DDR2: variants seen among roughly 807,000 people sequenced by gnomAD.
The protein encoded by DDR2 is discoidin domain-containing receptor 2.
DDR2 carries 27 observed loss-of-function variants against 94.9 expected under a neutral mutation model. That is an observed-to-expected ratio of 0.28 (90% CI 0.21 to 0.39). The LOEUF is 0.39. Ranked by LOEUF, DDR2 falls within the 10% of genes least tolerant of loss-of-function variation. The pLI is 1.00. For missense variants in DDR2, 783 were observed against 1,076.0 expected, an observed-to-expected ratio of 0.73 and a Z score of 3.81; for synonymous variants, 382 against 377.2, an observed-to-expected ratio of 1.01 and a Z score of -0.15.
rs143973369 is a variant in DDR2, at chr1:162,740,606, G to A, written c.83-12489G>A. On this transcript the variant is annotated intron_variant, in intron 3 of 17. Coordinates refer to ENST00000367921, the MANE Select transcript of DDR2 (RefSeq NM_006182.4). The stretch of plus-strand genomic sequence containing the variant: ...ATATAAAAGAATGCCTATTCCTTTT[G>A]CATACTTTTTCTTCACAGCACTTGC... Among the ~76,000 whole-genome samples, 995 of 152,180 alleles carry A rather than the reference G, an allele frequency of 6.5e-3. 6 individuals carry two copies. The highest frequency in any genetic ancestry group is 7.7e-3 in the Non-Finnish European group (521 of 68,004).
chr1:162,690,874 C>T (rs565628634), intron 2 of DDR2, among the ~76,000 whole-genome samples: 93 of 152,324 alleles, frequency 6.1e-4, no homozygotes, highest in African/African-American at 2.1e-3. Context: ...GCTCTAAAAA[C>T]GGACCTACAG....
intron 13 of DDR2, among the ~76,000 whole-genome samples, chr1:162,773,068 T>C (rs772670046): frequency 1.5e-4 from 23 of 152,352 alleles, no homozygotes; most frequent in Admixed American, 5.9e-4. Flanking sequence ...GAGTTTCTTA[T>C]AATGCTAAAC....
At chr1:162,685,573 AACCTCATTCTT>A (rs1275775066) in intron 2 of DDR2, among the ~76,000 whole-genome samples, 2 of 151,466 alleles carry the variant, frequency 1.3e-5, no homozygotes. Flanking sequence ...GGTGTTCCTG[AACCTCATTCTT>A]ACCTGCACAC....
In DDR2 at chr1:162,685,802, G is replaced by A. The variant is rs80097592; in HGVS notation, c.-28+30428G>A. Among the ~76,000 whole-genome samples, 985 of 152,156 alleles carry A rather than the reference G, an allele frequency of 6.5e-3. 13 individuals are homozygous for A. The highest frequency in any genetic ancestry group is 6.5e-3 in the Non-Finnish European group (443 of 67,994). Reference sequence around the variant, plus strand: ...ACCCTTGCAGCAATCCTATGAAGAAGGATTTATCATTATCCCCATTTTACA... The same window carrying A: ...ACCCTTGCAGCAATCCTATGAAGAAAGATTTATCATTATCCCCATTTTACA... On this transcript the variant is annotated intron_variant, in intron 2 of 17. Coordinates refer to ENST00000367921, the MANE Select transcript of DDR2 (RefSeq NM_006182.4).
chr1:162,720,695 A>G lies in DDR2; in HGVS notation c.82+1550A>G, dbSNP rs189680781. ...AGAAGTGGAACTTCATATGTGTAGC[A>G]TATGATATACTATTCTGCATAATAC... On this transcript the variant is annotated intron_variant, in intron 3 of 17. Coordinates refer to ENST00000367921, the MANE Select transcript of DDR2 (RefSeq NM_006182.4). 4.0e-3 allele frequency among the ~76,000 whole-genome samples: 612 copies of G among 152,136 alleles called. 17 individuals are homozygous for G. The highest frequency in any genetic ancestry group is 2.8e-3 in the Non-Finnish European group (192 of 68,008).
intron 1 of DDR2, among the ~76,000 whole-genome samples, chr1:162,644,225 G>T (rs1657295962): frequency 6.6e-6 from 1 of 152,236 alleles, no homozygotes; most frequent in African/African-American, 2.4e-5. Context: ...TAAAAATAAT[G>T]AAGTACATGT....
rs370275056 is a variant in DDR2 at position 162,751,856 on chromosome 1, A to T, written c.83-1239A>T. ...GTTCTTGTCCTTTGTAGGGACATGG[A>T]TAAAGATAGAAACCATCATTTGAGC... is the stretch of plus-strand genomic sequence containing the variant. On this transcript the variant is annotated intron_variant, in intron 3 of 17. Coordinates refer to ENST00000367921, the MANE Select transcript of DDR2 (RefSeq NM_006182.4). 2.6e-5 allele frequency among the ~76,000 whole-genome samples: 4 copies of T among 152,354 alleles called. No individual in the cohort carries two copies. The East Asian group carries it at 7.7e-4, about 29-fold the overall frequency.
intron 3 of DDR2, among the ~76,000 whole-genome samples, chr1:162,745,504 C>CA (rs1662808478): frequency 6.6e-6 from 1 of 151,938 alleles, no homozygotes; most frequent in Non-Finnish European, 1.5e-5. Context: ...TTTTTGGGTA[C>CA]AATGTATGAT....
At chr1:162,762,910 C>T (rs573260420) in intron 9 of DDR2, among the ~76,000 whole-genome samples, 109 of 152,284 alleles carry the variant, frequency 7.2e-4, no homozygotes, top group Non-Finnish European at 1.4e-3. Context: ...GATCTTGGCT[C>T]ACTGCAACCC....
intron 3 of DDR2, among the ~76,000 whole-genome samples, chr1:162,741,278 AT>A (rs1662601441): frequency 7.9e-6 from 1 of 127,054 alleles, no homozygotes; most frequent in African/African-American, 3.0e-5. Context: ...ATAATATAAT[AT>A]AATATAATAT....
chr1:162,633,726 T>C (rs1383683967), intron 1 of DDR2, among the ~76,000 whole-genome samples: 1 of 152,232 alleles, frequency 6.6e-6, no homozygotes, highest in African/African-American at 2.4e-5. Context: ...TTATCAGTAA[T>C]AGAGAGGACG....
intron 3 of DDR2, among the ~76,000 whole-genome samples, chr1:162,745,928 A>T (rs1026196579): frequency 6.6e-6 from 1 of 152,012 alleles, no homozygotes. Context: ...TTTTCTTACA[A>T]TGGTTTCTAT....
Position 162,739,353 on chromosome 1 carries a change from C to T in DDR2, c.83-13742C>T, listed in dbSNP as rs1480944323. On this transcript the variant is annotated intron_variant, in intron 3 of 17. Transcript: ENST00000367921. ...TTTTTGAGATGGAGTCTCTCTCTGTCGCCCAGGCTGGAGTGCAGTGGTGTG... is the reference window on the plus strand; with the variant it reads ...TTTTTGAGATGGAGTCTCTCTCTGTTGCCCAGGCTGGAGTGCAGTGGTGTG... Among the ~76,000 whole-genome samples, 9 of 152,262 alleles carry T rather than the reference C, an allele frequency of 5.9e-5. No homozygotes were observed. In the East Asian group the frequency reaches 1.2e-3, roughly 20 times the overall value.
chr1:162,772,181 T>C lies in DDR2; in HGVS notation c.1662T>C (p.Ala554=), dbSNP rs747269621. 6.2e-7 allele frequency: 1 copy of C among 1,614,138 alleles called. No individual in the cohort carries two copies. The highest frequency in any genetic ancestry group is 8.5e-7 in the Non-Finnish European group (1 of 1,180,042). Residue 554 remains alanine (A), a synonymous_variant, in exon 13 of 18, where the codon GCT becomes GCC. Transcript: ENST00000367921. ...TMDLLSGKDV[A]VEEFPRKLLT... is the part of the protein sequence containing the mutation. ...ACCTGCTCTCAGGAAAAGATGTGGC[T>C]GTGGAGGAGTTCCCCAGGAAACTCC... is the stretch of plus-strand genomic sequence containing the variant.
intron 2 of DDR2, among the ~76,000 whole-genome samples, chr1:162,690,796 A>T (rs971028403): frequency 6.6e-6 from 1 of 152,106 alleles, no homozygotes; most frequent in Non-Finnish European, 1.5e-5. Context: ...TCCTGAGGAG[A>T]TTCTCCTGCG....
chr1:162,787,307 C>T lies in DDR2; in HGVS notation c.*7061C>T, dbSNP rs1209888462. On this transcript the variant is annotated 3_prime_UTR_variant, in exon 18 of 18. Coordinates refer to ENST00000367921, the MANE Select transcript of DDR2 (RefSeq NM_006182.4). ...AAAAAAACACACCTATCCATTCACT[C>T]ATCAATAAAAACATATTATGATGGT... is the stretch of plus-strand genomic sequence containing the variant. 1.3e-5 allele frequency: 2 copies of T among 151,376 alleles called. No individual in the cohort carries two copies. The highest frequency in any genetic ancestry group is 1.9e-4 in the East Asian group (1 of 5,158). The allele number at this position is 151,376 out of a possible 1,614,324, so 9.4% of individuals were successfully genotyped here.
intron 3 of DDR2, among the ~76,000 whole-genome samples, chr1:162,739,160 A>C (rs1662460981): frequency 7.4e-6 from 1 of 134,386 alleles, no homozygotes. Context: ...CTACCATCAG[A>C]GTGAACAGGC....
At chr1:162,702,986 A>G (rs1660496051) in intron 2 of DDR2, among the ~76,000 whole-genome samples, 1 of 152,186 alleles carries the variant, frequency 6.6e-6, no homozygotes, top group Non-Finnish European at 1.5e-5. Flanking sequence ...CTGATATGTA[A>G]TAAGTTCTCA....
chr1:162,701,849 A>G (rs1660445192), intron 2 of DDR2, among the ~76,000 whole-genome samples: 1 of 152,208 alleles, frequency 6.6e-6, no homozygotes, highest in African/African-American at 2.4e-5. Context: ...GAATCCTTTT[A>G]TTTCAGAATA....
Sources: gnomAD v4.1 joint callset for allele counts (sites outside exome capture counted in the v4.1 genomes callset) on GRCh38, gnomAD v4.1.1 for gene constraint, MANE v1.5 for transcripts, NCBI Gene and HGNC (gene_info 2026-07-23, HGNC 2026-07-21) for gene names.